The following LATS2 variants were observed in gnomAD, a reference collection of about 807,000 sequenced individuals.
LATS2 encodes large tumor suppressor kinase 2, also known as serine/threonine-protein kinase LATS2.
LATS2 carries 24 observed loss-of-function variants against 76.0 expected under a neutral mutation model. The ratio of observed to expected loss-of-function variants is 0.32; its 90% confidence interval spans 0.23 to 0.44. LATS2 has a LOEUF of 0.44. LATS2 is among the 20% of genes least tolerant of loss of function. LATS2 has a pLI of 1.00. For synonymous variants in LATS2, 692 were observed against 635.4 expected (o/e 1.09, Z -1.34); for missense variants, 1,286 against 1,481.2 (o/e 0.87, Z 2.16).
chr13:20,999,441 T>C (rs990982514), intron 2 of LATS2, among the ~76,000 whole-genome samples: 5 of 152,236 alleles, frequency 3.3e-5, no homozygotes, highest in Non-Finnish European at 7.3e-5. Flanking sequence ...TCGTTCCAAT[T>C]TTCATATCTG....
At chr13:21,031,773 T>C (rs539859253) in intron 2 of LATS2, among the ~76,000 whole-genome samples, 6 of 152,158 alleles carry the variant, frequency 3.9e-5, no homozygotes, top group Non-Finnish European at 5.9e-5. Flanking sequence ...GATGGGAGGA[T>C]TGCTTGAGCC....
intron 2 of LATS2, among the ~76,000 whole-genome samples, chr13:21,013,047 C>A (rs1871659608): frequency 6.6e-6 from 1 of 152,158 alleles, no homozygotes; most frequent in Admixed American, 6.5e-5. Flanking sequence ...CTGAGGAATA[C>A]CAAGCAGTGT....
intron 1 of LATS2, among the ~76,000 whole-genome samples, 198 bp from the exon 2 acceptor site, chr13:21,046,428 G>A (rs901582605): frequency 1.3e-5 from 2 of 152,194 alleles, no homozygotes; most frequent in African/African-American, 4.8e-5. Flanking sequence ...GTCCCAAAAT[G>A]CTTCCTGTAA....
At chr13:21,058,458 G>A (rs536219127) in intron 1 of LATS2, among the ~76,000 whole-genome samples, 1 of 152,226 alleles carries the variant, frequency 6.6e-6, no homozygotes, top group East Asian at 1.9e-4. Context: ...GGAGCCCAAG[G>A]CTGGCTATTT....
chr13:21,034,519 G>A (rs1298900893), intron 2 of LATS2, among the ~76,000 whole-genome samples: 1 of 152,178 alleles, frequency 6.6e-6, no homozygotes, highest in Non-Finnish European at 1.5e-5. Context: ...GGTGCCGTCT[G>A]GTGCACGCCA....
chr13:21,014,959 C>T (rs1445061889), intron 2 of LATS2, among the ~76,000 whole-genome samples: 1 of 152,180 alleles, frequency 6.6e-6, no homozygotes, highest in African/African-American at 2.4e-5. Flanking sequence ...GGTTGATGAG[C>T]CTCAACTGTG....
chr13:20,981,362 T>G (rs1316874802), intron 6 of LATS2, 104 bp downstream of exon 6: 2 of 1,057,668 alleles, frequency 1.9e-6, no homozygotes, highest in African/African-American at 1.6e-5. Context: ...GACAAAAATA[T>G]GACTGGAAGC....
intron 4 of LATS2, among the ~76,000 whole-genome samples, chr13:20,985,132 C>G (rs887454786): frequency 6.6e-6 from 1 of 152,094 alleles, no homozygotes; most frequent in Non-Finnish European, 1.5e-5. Flanking sequence ...ATAGGAATGT[C>G]AACTTAAAAC....
At position 20,988,682 on chromosome 13, in the gene LATS2, G is replaced by T; in HGVS notation, c.1098C>A (p.Ser366=). The change falls in exon 4 of 8, where the codon TCC becomes TCA. Residue 366 remains serine (S), a synonymous_variant. Transcript: ENST00000382592. ...GGGTGGCAGCCGGCCACTGCTGGAC[G>T]GAGGTGCTGCCCAATTCATACAGGT... is the stretch of plus-strand genomic sequence containing the variant. ...NVDLYELGST[S]VQQWPAATLA... The T allele has an allele frequency of 3.2e-6, 5 of 1,573,940 alleles. No homozygotes were observed. The highest frequency in any genetic ancestry group is 4.3e-6 in the Non-Finnish European group (5 of 1,169,372).
At chr13:21,047,438 G>A (rs1425140799) in intron 1 of LATS2, among the ~76,000 whole-genome samples, 1 of 152,184 alleles carries the variant, frequency 6.6e-6, no homozygotes, top group Non-Finnish European at 1.5e-5. Context: ...GGTGCCCGCT[G>A]GTGGGAAAGG....
chr13:21,009,643 C>T (rs888610834), intron 2 of LATS2, among the ~76,000 whole-genome samples: 4 of 152,212 alleles, frequency 2.6e-5, no homozygotes, highest in African/African-American at 9.6e-5. Flanking sequence ...ATAGCTGTTA[C>T]ATAACAATCA....
In LATS2 at chr13:20,991,427, G is replaced by T. The variant is rs759940007; in HGVS notation, c.343-23C>A. 1 of 1,613,846 alleles carries T rather than the reference G, an allele frequency of 6.2e-7. No homozygotes were observed. Among genetic ancestry groups the T allele is most frequent in the African/African-American group, 1.3e-5 (1 of 75,046 alleles). On this transcript the variant is annotated intron_variant, in intron 2 of 7. Transcript: ENST00000382592. The surrounding 1 kb of genome is among the most constrained non-coding windows in gnomAD (Gnocchi z 4.9). ...CTCCTGGGAGGGAAGTAAAGGAGAGGTAAGTGCATGTCATCCTAAAACAAA... is the reference window on the plus strand; with the variant it reads ...CTCCTGGGAGGGAAGTAAAGGAGAGTTAAGTGCATGTCATCCTAAAACAAA...
chr13:20,993,220 A>T (rs1430192401), intron 2 of LATS2, among the ~76,000 whole-genome samples: 1 of 152,088 alleles, frequency 6.6e-6, no homozygotes, highest in Non-Finnish European at 1.5e-5. Flanking sequence ...GGTGCCCATG[A>T]TCTGAATCGC....
At position 20,991,056 on chromosome 13, in the gene LATS2, C is replaced by T. The variant is rs1870486318; in HGVS notation, c.475+216G>A. Among the ~76,000 whole-genome samples the T allele has an allele frequency of 6.6e-6, 1 of 152,244 alleles. No individual in the cohort carries two copies. On this transcript the variant is annotated intron_variant, in intron 3 of 7. Transcript: ENST00000382592. The surrounding 1 kb of genome is among the most constrained non-coding windows in gnomAD (Gnocchi z 4.9). ...AGACAAGGCTGGATGGGGCAAGCGC[C>T]AGGCGTGTCCCACGGTCTACCACTT...
At chr13:21,044,560 A>G (rs775735281) in intron 2 of LATS2, among the ~76,000 whole-genome samples, 1 of 152,164 alleles carries the variant, frequency 6.6e-6, no homozygotes, top group Non-Finnish European at 1.5e-5. Context: ...TACTTGTTAC[A>G]TTTCACTAAT....
chr13:20,999,863 CAAAAAAA>C (rs34389397), intron 2 of LATS2, among the ~76,000 whole-genome samples: 2 of 136,196 alleles, frequency 1.5e-5, no homozygotes, highest in Non-Finnish European at 3.1e-5. Flanking sequence ...ACTAAACATA[CAAAAAAA>C]AAAAAAAAAT....
At chr13:21,049,185 T>C (rs1475297033) in intron 1 of LATS2, among the ~76,000 whole-genome samples, 1 of 151,740 alleles carries the variant, frequency 6.6e-6, no homozygotes, top group African/African-American at 2.4e-5. Flanking sequence ...GTAGTGGGGG[T>C]GTCTCGTGGG....
intron 2 of LATS2, among the ~76,000 whole-genome samples, chr13:21,007,542 ATAG>A (rs1173617638): frequency 1.2e-4 from 2 of 16,086 alleles, no homozygotes; most frequent in African/African-American, 6.8e-4. Flanking sequence ...ATATATATAT[ATAG>A]TATATATATA....
At chr13:21,041,189 G>A (rs947169303) in intron 2 of LATS2, among the ~76,000 whole-genome samples, 3 of 152,070 alleles carry the variant, frequency 2.0e-5, no homozygotes, top group Admixed American at 6.6e-5. Context: ...AGCCAGGATG[G>A]TCTCGACCTC....
Sources: allele counts gnomAD v4.1 joint callset (sites outside exome capture counted in the v4.1 genomes callset), GRCh38; gene constraint gnomAD v4.1.1; non-coding constraint Gnocchi (gnomAD v3.1); transcripts MANE v1.5; gene names NCBI Gene and HGNC (gene_info 2026-07-23, HGNC 2026-07-21).